RBFOX1: variants seen among roughly 807,000 people sequenced by gnomAD.
RBFOX1 encodes the protein RNA binding fox-1 homolog 1, also known as RNA binding protein fox-1 homolog 1.
RBFOX1 carries 8 observed loss-of-function variants against 57.7 expected under a neutral mutation model. That is an observed-to-expected ratio of 0.14 (90% CI 0.08 to 0.25). The LOEUF is 0.25. Ranked by LOEUF, RBFOX1 falls within the 10% of genes least tolerant of loss-of-function variation. The pLI is 1.00. For synonymous variants in RBFOX1, 326 were observed against 222.4 expected (o/e 1.47, Z -4.15); for missense variants, 611 against 548.5 (o/e 1.11, Z -1.14).
At chr16:7,613,825 A>C (rs762868401) in intron 10 of RBFOX1, among the ~76,000 whole-genome samples, 3 of 152,180 alleles carry the variant, frequency 2.0e-5, no homozygotes, top group African/African-American at 4.8e-5. Context: ...ATTTGGATAC[A>C]ATAGCATCTG....
intron 3 of RBFOX1, among the ~76,000 whole-genome samples, chr16:5,820,373 A>G (rs1161913781): frequency 6.6e-6 from 1 of 152,172 alleles, no homozygotes; most frequent in African/African-American, 2.4e-5. Context: ...GGAGGCAGGA[A>G]CAGATGACAT....
intron 2 of RBFOX1, among the ~76,000 whole-genome samples, chr16:6,632,789 T>G (rs933628419): frequency 6.6e-6 from 1 of 152,218 alleles, no homozygotes; most frequent in African/African-American, 2.4e-5. Context: ...GCTGACTTTA[T>G]CAGCCTTGGC....
chr16:7,630,765 C>A, intron 11 of RBFOX1, 82 bp downstream of exon 11: 2 of 1,571,318 alleles, frequency 1.3e-6, no homozygotes, highest in Non-Finnish European at 1.7e-6. Flanking sequence ...AGTTCTCTCC[C>A]CCTCCCTCTG....
chr16:5,340,128 A>C (rs938393777), intron 1 of RBFOX1, among the ~76,000 whole-genome samples: 16 of 152,172 alleles, frequency 1.1e-4, no homozygotes, highest in Non-Finnish European at 1.5e-5. Flanking sequence ...TTTTGTTTTA[A>C]GTGAAATTCT....
At chr16:5,302,245 G>C (rs1167131448) in intron 1 of RBFOX1, among the ~76,000 whole-genome samples, 1 of 152,128 alleles carries the variant, frequency 6.6e-6, no homozygotes, top group African/African-American at 2.4e-5. Flanking sequence ...TAATTTTCTA[G>C]ATAACTTATT....
At chr16:6,702,760 T>A (rs908534390) in intron 3 of RBFOX1, among the ~76,000 whole-genome samples, 7 of 152,248 alleles carry the variant, frequency 4.6e-5, no homozygotes, top group Admixed American at 3.3e-4. Flanking sequence ...TTTTTTGTTA[T>A]GGTAAAATAG....
At chr16:5,847,279 G>A (rs1407305772) in intron 3 of RBFOX1, among the ~76,000 whole-genome samples, 1 of 151,066 alleles carries the variant, frequency 6.6e-6, no homozygotes. Flanking sequence ...GAACATGCAG[G>A]ACTTGGATTC....
chr16:5,290,367 A>C (rs1294046626), intron 1 of RBFOX1, among the ~76,000 whole-genome samples: 1 of 152,000 alleles, frequency 6.6e-6, no homozygotes, highest in Non-Finnish European at 1.5e-5. Flanking sequence ...AAAAAAGTAG[A>C]TTGTCAGGGC....
chr16:5,610,513 C>G (rs1267844412), intron 3 of RBFOX1: 1 of 152,078 alleles, frequency 6.6e-6, no homozygotes, highest in Non-Finnish European at 1.5e-5. Flanking sequence ...ATTAAAAACA[C>G]CGCAACGTAC....
chr16:6,860,129 G>T (rs578150768), intron 3 of RBFOX1, among the ~76,000 whole-genome samples: 1 of 152,266 alleles, frequency 6.6e-6, no homozygotes, highest in East Asian at 1.9e-4. Flanking sequence ...TGCGCTAGCT[G>T]TTCACTGCTT....
chr16:7,535,508 C>A (rs377510962), intron 5 of RBFOX1, among the ~76,000 whole-genome samples: 1 of 152,198 alleles, frequency 6.6e-6, no homozygotes, highest in East Asian at 1.9e-4. Context: ...AAGCTAGATA[C>A]AGGGAAGGGA....
chr16:6,368,210 G>GAA (rs897200545), intron 2 of RBFOX1, among the ~76,000 whole-genome samples: 1 of 152,116 alleles, frequency 6.6e-6, no homozygotes, highest in Non-Finnish European at 1.5e-5. Flanking sequence ...TACCCTGAAT[G>GAA]AAAAATATTG....
chr16:6,184,536 G>A (rs1253090523), intron 1 of RBFOX1, among the ~76,000 whole-genome samples: 1 of 151,658 alleles, frequency 6.6e-6, no homozygotes, highest in Non-Finnish European at 1.5e-5. Context: ...GAGAGAGAGG[G>A]GTCAGTGTTT....
intron 4 of RBFOX1, among the ~76,000 whole-genome samples, chr16:5,964,948 T>C (rs1390037999): frequency 6.6e-6 from 1 of 152,190 alleles, no homozygotes; most frequent in East Asian, 1.9e-4. Flanking sequence ...AATGAAATTA[T>C]ATTCAGTCTT....
intron 1 of RBFOX1, among the ~76,000 whole-genome samples, chr16:6,253,107 A>G (rs1378913707): frequency 6.6e-6 from 1 of 152,108 alleles, no homozygotes; most frequent in Non-Finnish European, 1.5e-5. Context: ...ATCTCTATCT[A>G]TCTCTATCAT....
intron 1 of RBFOX1, among the ~76,000 whole-genome samples, chr16:5,443,961 C>G (rs1350847328): frequency 6.6e-6 from 1 of 152,156 alleles, no homozygotes; most frequent in East Asian, 1.9e-4. Context: ...TCAGGCATGT[C>G]AACCATCGGC....
intron 3 of RBFOX1, among the ~76,000 whole-genome samples, chr16:6,662,808 A>G (rs901968839): frequency 3.0e-5 from 1 of 33,442 alleles, no homozygotes; most frequent in Non-Finnish European, 6.5e-5. Context: ...TACATATGAC[A>G]AAAAAAATAC....
chr16:6,257,769 G>A (rs1304847583), intron 1 of RBFOX1, among the ~76,000 whole-genome samples: 1 of 151,986 alleles, frequency 6.6e-6, no homozygotes, highest in Admixed American at 6.6e-5. Context: ...CTTTTTTATG[G>A]CTGCATAGTA....
intron 1 of RBFOX1, among the ~76,000 whole-genome samples, chr16:5,438,853 C>G (rs1224856186): frequency 6.6e-6 from 1 of 151,996 alleles, no homozygotes; most frequent in Non-Finnish European, 1.5e-5. Flanking sequence ...GCCTTCACCA[C>G]GAGTCGAGTA....
Sources: allele counts gnomAD v4.1 joint callset (sites outside exome capture counted in the v4.1 genomes callset), GRCh38; gene constraint gnomAD v4.1.1; transcripts MANE v1.5; gene names NCBI Gene and HGNC (gene_info 2026-07-23, HGNC 2026-07-21).